CFAP54: variants seen among roughly 807,000 people sequenced by gnomAD.
CFAP54 encodes the protein cilia- and flagella-associated protein 54.
Under a neutral mutation model 370.4 loss-of-function variants are expected in CFAP54, and 290 were observed. The ratio of observed to expected loss-of-function variants is 0.78; its 90% CI spans 0.71 to 0.86. The LOEUF (loss-of-function observed/expected upper bound fraction) is 0.86, where lower values mean the gene tolerates loss of function less well. CFAP54 is among the 40% of genes least tolerant of loss of function. The pLI is 0.00. For synonymous variants in CFAP54, 1,206 were observed against 1,236.5 expected, an observed-to-expected ratio of 0.98 and a Z score of 0.52; for missense variants, 3,399 against 3,528.7, an observed-to-expected ratio of 0.96 and a Z score of 0.93.
rs761435782 is a variant in CFAP54, at chr12:96,688,958, C to A, written c.6057C>A (p.Cys2019Ter). ...ATGTTGAAAAGAAAACTGACTGTTG[C>A]ATTTTGTCTGCGTTACTCTTTCAGG... ...SLNVEKKTDC[C>*]ILSALLFQGL... The change falls in exon 43 of 68, where the codon TGC (cysteine) becomes TGA (stop). Residue 2019 changes from cysteine to a stop codon, truncating the protein, a stop_gained. Transcript: ENST00000524981. LOFTEE classifies it high-confidence loss of function. 1 of 1,582,800 alleles carries A rather than the reference C, an allele frequency of 6.3e-7. No homozygotes were observed. The highest frequency in any genetic ancestry group is 8.6e-7 in the Non-Finnish European group (1 of 1,167,728).
chr12:96,694,017 G>A (rs189424141), intron 45 of CFAP54, among the ~76,000 whole-genome samples: 131 of 151,912 alleles, frequency 8.6e-4, no homozygotes, highest in Non-Finnish European at 1.3e-3. Flanking sequence ...CCACAGTAAA[G>A]TGAGGAACAG....
chr12:96,873,678 G>T (rs1960219846), intron 67 of CFAP54, among the ~76,000 whole-genome samples: 1 of 152,128 alleles, frequency 6.6e-6, no homozygotes, highest in Non-Finnish European at 1.5e-5. Context: ...AGTCAACTCT[G>T]CCATTACAGT....
intron 22 of CFAP54, among the ~76,000 whole-genome samples, chr12:96,586,703 A>G (rs1191779237): frequency 1.3e-5 from 2 of 152,204 alleles, no homozygotes; most frequent in Non-Finnish European, 2.9e-5. Context: ...GTGAGTGGGT[A>G]GATGGGGAGC....
chr12:96,701,045 C>T (rs566849887), intron 46 of CFAP54, among the ~76,000 whole-genome samples: 2 of 152,264 alleles, frequency 1.3e-5, no homozygotes, highest in South Asian at 4.1e-4. Context: ...ATGACTGCTA[C>T]AGCATTATAA....
chr12:96,708,506 C>T (rs1039824094), intron 47 of CFAP54, 102 bp from the exon 48 acceptor site: 1 of 948,278 alleles, frequency 1.1e-6, no homozygotes, highest in African/African-American at 1.7e-5. Flanking sequence ...AGCCCTATAT[C>T]CCTTCATCCA....
At chr12:96,678,227 G>A (rs920864754) in intron 39 of CFAP54, among the ~76,000 whole-genome samples, 1 of 152,208 alleles carries the variant, frequency 6.6e-6, no homozygotes, top group East Asian at 1.9e-4. Context: ...ACCTTTAGAA[G>A]TGGTTAACTT....
rs369832442 is a variant in CFAP54, at chr12:96,753,281, A to T, written c.7685-462A>T. Reference sequence around the variant, plus strand: ...ATCATGGGTTTGCTGTCTAGTGGAGATGACAAAACAAAACAAAACAAAACA... The same window carrying T: ...ATCATGGGTTTGCTGTCTAGTGGAGTTGACAAAACAAAACAAAACAAAACA... On this transcript the variant is annotated intron_variant, in intron 55 of 67. Transcript: ENST00000524981. 3.3e-5 allele frequency among the ~76,000 whole-genome samples: 5 copies of T among 152,292 alleles called. No homozygotes were observed. The East Asian group carries it at 9.7e-4, about 29-fold the overall frequency.
intron 64 of CFAP54, among the ~76,000 whole-genome samples, chr12:96,816,143 T>A (rs1465141659): frequency 6.6e-6 from 1 of 152,220 alleles, no homozygotes; most frequent in Non-Finnish European, 1.5e-5. Flanking sequence ...AATCTATGAA[T>A]TACTTTGGGC....
intron 50 of CFAP54, among the ~76,000 whole-genome samples, chr12:96,727,119 G>C (rs1256051622): frequency 6.6e-6 from 1 of 151,936 alleles, no homozygotes; most frequent in Non-Finnish European, 1.5e-5. Flanking sequence ...TTTGGAATAG[G>C]TGTGGTGTGG....
chr12:96,817,020 G>A (rs553051020), intron 64 of CFAP54, among the ~76,000 whole-genome samples: 11 of 152,254 alleles, frequency 7.2e-5, no homozygotes, highest in African/African-American at 2.6e-4. Context: ...ATTGTTATGG[G>A]TCCGTTGACT....
intron 8 of CFAP54, among the ~76,000 whole-genome samples, chr12:96,523,707 C>A (rs114398219): frequency 3.8e-5 from 2 of 52,824 alleles, no homozygotes; most frequent in African/African-American, 1.3e-4. Flanking sequence ...TTTTTCTCCC[C>A]GGCATTTTTT....
intron 60 of CFAP54, among the ~76,000 whole-genome samples, chr12:96,773,548 A>G (rs770686463): frequency 3.3e-5 from 5 of 152,230 alleles, no homozygotes; most frequent in Admixed American, 6.5e-5. Flanking sequence ...GAGTGAACCA[A>G]CCTGGTATAT....
At chr12:96,668,579 C>T (rs1309101000) in intron 39 of CFAP54, among the ~76,000 whole-genome samples, 1 of 152,166 alleles carries the variant, frequency 6.6e-6, no homozygotes. Context: ...TTACCTTCCA[C>T]TGGGTTCTTC....
At chr12:96,606,152 C>A (rs1956298242) in intron 26 of CFAP54, among the ~76,000 whole-genome samples, 1 of 152,124 alleles carries the variant, frequency 6.6e-6, no homozygotes, top group South Asian at 2.1e-4. Context: ...ATTTATGGAG[C>A]TGAGCCTATT....
chr12:96,495,255 TCC>T (rs1565873795), intron 1 of CFAP54, among the ~76,000 whole-genome samples: 2 of 51,732 alleles, frequency 3.9e-5, no homozygotes, highest in Non-Finnish European at 1.0e-4. Context: ...CTTCCTTCCT[TCC>T]TTCCTTCCTT....
chr12:96,789,965 A>C (rs1958670856), intron 62 of CFAP54, among the ~76,000 whole-genome samples: 1 of 152,052 alleles, frequency 6.6e-6, no homozygotes, highest in African/African-American at 2.4e-5. Flanking sequence ...ATCACTCAGG[A>C]GGCTATTTCA....
At chr12:96,784,582 A>G (rs1427155699) in intron 60 of CFAP54, 135 bp from the exon 61 acceptor site, 2 of 598,598 alleles carry the variant, frequency 3.3e-6, no homozygotes, top group African/African-American at 3.8e-5. Flanking sequence ...GCATGATACA[A>G]AAGACTTTTA....
intron 3 of CFAP54, among the ~76,000 whole-genome samples, chr12:96,506,166 C>T (rs528354867): frequency 1.8e-4 from 27 of 151,994 alleles, no homozygotes; most frequent in African/African-American, 6.5e-4. Flanking sequence ...GGTGAAACCC[C>T]GTCTCTACTA....
intron 63 of CFAP54, among the ~76,000 whole-genome samples, chr12:96,810,009 A>G (rs1475766718): frequency 1.3e-5 from 2 of 152,168 alleles, no homozygotes; most frequent in African/African-American, 4.8e-5. Context: ...CTGATTTAAC[A>G]TAAGCAGAGA....
Sources: allele counts gnomAD v4.1 joint callset (sites outside exome capture counted in the v4.1 genomes callset), GRCh38; gene constraint gnomAD v4.1.1; transcripts MANE v1.5; gene names NCBI Gene and HGNC (gene_info 2026-07-23, HGNC 2026-07-21).